CACNA1A: variants seen among roughly 807,000 people sequenced by gnomAD.
The protein encoded by CACNA1A is calcium voltage-gated channel subunit alpha1 A, also known as voltage-dependent P/Q-type calcium channel subunit alpha-1A.
CACNA1A carries 57 observed loss-of-function variants against 262.4 expected under a neutral mutation model. That is an observed-to-expected ratio of 0.22 (90% CI 0.18 to 0.27). The LOEUF (loss-of-function observed/expected upper bound fraction) is 0.27, where lower values mean the gene tolerates loss of function less well. Ranked by LOEUF, CACNA1A falls within the 10% of genes least tolerant of loss-of-function variation. The pLI is 1.00. For synonymous variants in CACNA1A, 1,431 were observed against 1,419.3 expected (o/e 1.01, Z -0.18); for missense variants, 2,526 against 3,562.8 (o/e 0.71, Z 7.41).
At chr19:13,310,068 G>A (rs796328254) in intron 12 of CACNA1A, among the ~76,000 whole-genome samples, 40 of 152,210 alleles carry the variant, frequency 2.6e-4, no homozygotes, top group Non-Finnish European at 1.3e-4. Context: ...ATGGAATTAT[G>A]CAATACTTGA....
intron 40 of CACNA1A, among the ~76,000 whole-genome samples, chr19:13,213,503 T>C (rs1448597267): frequency 6.6e-6 from 1 of 152,088 alleles, no homozygotes; most frequent in African/African-American, 2.4e-5. Context: ...ACCATTGGCA[T>C]TTCCCCACTT....
At chr19:13,480,972 T>A (rs1313522700) in intron 1 of CACNA1A, among the ~76,000 whole-genome samples, 1 of 152,176 alleles carries the variant, frequency 6.6e-6, no homozygotes, top group East Asian at 1.9e-4. Flanking sequence ...CGAATCTAGA[T>A]AGCCTAGGCT....
chr19:13,255,715 C>G (rs2056536471), intron 28 of CACNA1A, among the ~76,000 whole-genome samples: 1 of 122,514 alleles, frequency 8.2e-6, no homozygotes. Flanking sequence ...TTCCCTCCCT[C>G]CCTCCTTCTC....
At chr19:13,374,436 G>T (rs2059372401) in intron 3 of CACNA1A, among the ~76,000 whole-genome samples, 1 of 152,082 alleles carries the variant, frequency 6.6e-6, no homozygotes. Context: ...TTTTTGTAGA[G>T]ATGGGGTCTT....
At chr19:13,316,552 TAAAAAAA>T (rs74266770) in intron 11 of CACNA1A, 1 of 119,162 alleles carries the variant, frequency 8.4e-6, no homozygotes, top group African/African-American at 3.2e-5. Context: ...TAACTGTGGT[TAAAAAAA>T]AAAAAAAAAA....
chr19:13,232,985 G>C (rs1331942321), intron 34 of CACNA1A, among the ~76,000 whole-genome samples: 3 of 151,162 alleles, frequency 2.0e-5, no homozygotes, highest in Non-Finnish European at 4.4e-5. Flanking sequence ...GGAGGCAGAA[G>C]TTGCGCCGAG....
In CACNA1A at chr19:13,207,858, CCTGCTGCTGCTG is replaced by C. The variant is rs16054; in HGVS notation, c.6964_6975del (p.Gln2322_Gln2325del). Reference sequence around the variant, plus strand: ...GCCGCCCGGCCCGGCCTGGCCACCGCCTGCTGCTGCTGCTGCTGCTGCTGCTGCTGCTGCTGC... The same window carrying C: ...GCCGCCCGGCCCGGCCTGGCCACCGCCTGCTGCTGCTGCTGCTGCTGCTGC... On this transcript the variant is annotated inframe_deletion, in exon 47 of 47. Transcript: ENST00000360228. The surrounding 1 kb of genome is among the most constrained non-coding windows in gnomAD (Gnocchi z 5.7). The C allele has an allele frequency of 8.6e-4, 1,226 of 1,431,502 alleles. 2 individuals are homozygous for C. Among genetic ancestry groups the C allele is most frequent in the Non-Finnish European group, 9.2e-4 (1,006 of 1,094,068 alleles). The allele number at this position is 1,431,502 out of a possible 1,614,324, so 88.7% of individuals were successfully genotyped here.
intron 15 of CACNA1A, among the ~76,000 whole-genome samples, chr19:13,306,056 T>C (rs1201041242): frequency 1.0e-5 from 1 of 95,872 alleles, no homozygotes; most frequent in East Asian, 1.2e-3. Context: ...CGAGACTCCA[T>C]CTCAAAAAAA....
intron 20 of CACNA1A, 46 bp from the exon 21 acceptor site, chr19:13,285,252 C>G (rs1324000060): frequency 1.2e-6 from 2 of 1,609,792 alleles, no homozygotes; most frequent in Non-Finnish European, 1.7e-6. Context: ...CAATTTCCCA[C>G]AAGTCTCTGG....
intron 3 of CACNA1A, among the ~76,000 whole-genome samples, chr19:13,411,991 C>T (rs540358308): frequency 3.1e-4 from 47 of 150,126 alleles, no homozygotes; most frequent in Admixed American, 1.9e-3. Context: ...GCTGGGATTA[C>T]AGGTGTGACC....
chr19:13,291,906 C>A (rs2057547816), intron 19 of CACNA1A, among the ~76,000 whole-genome samples: 1 of 152,118 alleles, frequency 6.6e-6, no homozygotes, highest in Non-Finnish European at 1.5e-5. Flanking sequence ...CTGTGGAGCT[C>A]AAAAGTCCAG....
chr19:13,370,573 G>A (rs898104124), intron 4 of CACNA1A, among the ~76,000 whole-genome samples: 30 of 151,250 alleles, frequency 2.0e-4, no homozygotes, highest in Non-Finnish European at 3.8e-4. Flanking sequence ...CTACAGGTGT[G>A]CACCATCATG....
intron 17 of CACNA1A, among the ~76,000 whole-genome samples, chr19:13,302,174 A>G (rs2057801362): frequency 1.3e-5 from 2 of 151,602 alleles, no homozygotes; most frequent in South Asian, 4.2e-4. Context: ...AAGTCTCTCA[A>G]CCTCTCTGTG....
chr19:13,251,759 CAT>C (rs746952953), intron 30 of CACNA1A, among the ~76,000 whole-genome samples: 1 of 151,872 alleles, frequency 6.6e-6, no homozygotes, highest in East Asian at 1.9e-4. Context: ...AAAATAAAGA[CAT>C]ATTTATTTTT....
At chr19:13,365,724 G>A (rs2059199659) in intron 4 of CACNA1A, 1 of 363,742 alleles carries the variant, frequency 2.7e-6, no homozygotes, top group Non-Finnish European at 5.0e-6. Flanking sequence ...CTGGAGTGCA[G>A]TGGCACAATC....
chr19:13,318,890 CTTTT>C (rs751530649), intron 10 of CACNA1A, among the ~76,000 whole-genome samples: 1 of 114,650 alleles, frequency 8.7e-6, no homozygotes, highest in Non-Finnish European at 1.7e-5. Context: ...TAAAATACAT[CTTTT>C]TTTTTTTTTT....
chr19:13,255,637 G>A (rs968635673), intron 28 of CACNA1A, among the ~76,000 whole-genome samples: 3 of 151,440 alleles, frequency 2.0e-5, no homozygotes, highest in Non-Finnish European at 4.4e-5. Flanking sequence ...TCAAATTGAA[G>A]CCTAATCCTT....
intron 4 of CACNA1A, among the ~76,000 whole-genome samples, chr19:13,366,888 C>T (rs1477342207): frequency 6.6e-6 from 1 of 152,186 alleles, no homozygotes; most frequent in Non-Finnish European, 1.5e-5. Context: ...TCACTGGCTT[C>T]TAGTGACAAG....
intron 26 of CACNA1A, 124 bp downstream of exon 26, chr19:13,261,326 C>A: frequency 1.2e-6 from 1 of 812,830 alleles, no homozygotes; most frequent in South Asian, 2.1e-5. Context: ...CTGGTTGCAA[C>A]TGAGTCACTT....
Sources: allele counts gnomAD v4.1 joint callset (sites outside exome capture counted in the v4.1 genomes callset), GRCh38; gene constraint gnomAD v4.1.1; non-coding constraint Gnocchi (gnomAD v3.1); transcripts MANE v1.5; gene names NCBI Gene and HGNC (gene_info 2026-07-23, HGNC 2026-07-21).